The following CLDN14 variants were observed in gnomAD, a reference collection of about 807,000 sequenced individuals.
CLDN14 encodes claudin-14.
In CLDN14, 2 loss-of-function variants were observed where a neutral mutation model predicts 2.1. The observed-to-expected ratio is 0.96, with a 90% CI of 0.39 to 3.01. The LOEUF is 3.01. Among genes scored for constraint, CLDN14 ranks in the 30% most tolerant of loss-of-function variants. The pLI is 0.09. For missense variants in CLDN14, 298 were observed against 328.0 expected (o/e 0.91, Z 0.71); for synonymous variants, 136 against 154.4 (o/e 0.88, Z 0.88).
chr21:36,542,938 T>C (rs761427187), intron 1 of CLDN14: 7 of 152,574 alleles, frequency 4.6e-5, no homozygotes, highest in Non-Finnish European at 8.8e-5. Flanking sequence ...CTTGCAGCCT[T>C]GCTGGGAACA....
intron 2 of CLDN14, among the ~76,000 whole-genome samples, chr21:36,492,497 C>T (rs1018891282): frequency 1.4e-5 from 2 of 143,980 alleles, no homozygotes; most frequent in Non-Finnish European, 3.0e-5. Context: ...GGCATGGTGG[C>T]GAGCACCTGT....
rs570377050 is a variant in CLDN14 at position 36,498,153 on chromosome 21, A to T, written c.-82+12210T>A. ...GTAGCTGGGATTACAGGCACCCACC[A>T]CCATGCCCAGCTAATTTTTGTATTC... On this transcript the variant is annotated intron_variant, in intron 2 of 2. Transcript: ENST00000342108. This position sits in a 1 kb window ranked among gnomAD's most constrained non-coding sequence, Gnocchi z 4.9. Among the ~76,000 whole-genome samples the T allele has an allele frequency of 3.9e-3, 597 of 151,768 alleles. 2 individuals carry two copies. Among genetic ancestry groups the T allele is most frequent in the Non-Finnish European group, 5.1e-3 (349 of 67,964 alleles).
chr21:36,565,811 C>G (rs567878112), intron 1 of CLDN14, among the ~76,000 whole-genome samples: 1 of 152,296 alleles, frequency 6.6e-6, no homozygotes, highest in South Asian at 2.1e-4. Context: ...TCTCTCATCC[C>G]CCTTGCCACA....
intron 1 of CLDN14, among the ~76,000 whole-genome samples, chr21:36,555,397 G>T (rs2087591796): frequency 6.6e-6 from 1 of 152,240 alleles, no homozygotes; most frequent in African/African-American, 2.4e-5. Context: ...CCTGCACGGG[G>T]TGCGCTGTTA....
At chr21:36,475,804 C>T (rs1448459186) in intron 1 of CLDN14, among the ~76,000 whole-genome samples, 6 of 151,942 alleles carry the variant, frequency 3.9e-5, no homozygotes, top group Admixed American at 3.3e-4. Flanking sequence ...GGCTGGAGCA[C>T]AGTAGGATTA....
At chr21:36,543,968 CTG>C (rs1468558862) in intron 1 of CLDN14, among the ~76,000 whole-genome samples, 2 of 152,218 alleles carry the variant, frequency 1.3e-5, no homozygotes, top group Non-Finnish European at 2.9e-5. Flanking sequence ...AGCAAAGAAA[CTG>C]AGTCAGCTCA....
intron 1 of CLDN14, among the ~76,000 whole-genome samples, chr21:36,521,104 G>T (rs1320319118): frequency 6.6e-6 from 1 of 152,092 alleles, no homozygotes; most frequent in African/African-American, 2.4e-5. Flanking sequence ...CTTATTTTTT[G>T]GATAGGCATT....
intron 2 of CLDN14, among the ~76,000 whole-genome samples, chr21:36,491,325 C>T (rs1297736715): frequency 1.3e-5 from 2 of 152,160 alleles, no homozygotes; most frequent in African/African-American, 4.8e-5. Context: ...CAAGAACCTC[C>T]CTTCCCAGCT....
intron 2 of CLDN14, among the ~76,000 whole-genome samples, chr21:36,503,769 A>C (rs887910055): frequency 6.6e-6 from 1 of 152,164 alleles, no homozygotes; most frequent in Non-Finnish European, 1.5e-5. Context: ...AAATGTCTAC[A>C]TTATGCATTA....
chr21:36,567,268 T>C (rs941404191), intron 1 of CLDN14, among the ~76,000 whole-genome samples: 4 of 152,254 alleles, frequency 2.6e-5, no homozygotes, highest in Non-Finnish European at 5.9e-5. Flanking sequence ...TTCTTTTTCC[T>C]GTATTTGTTT....
intron 1 of CLDN14, among the ~76,000 whole-genome samples, chr21:36,473,692 G>A (rs1434040248): frequency 6.6e-6 from 1 of 152,204 alleles, no homozygotes; most frequent in East Asian, 1.9e-4. Flanking sequence ...TAAAATATGG[G>A]ATGGAGTCTC....
intron 1 of CLDN14, among the ~76,000 whole-genome samples, chr21:36,473,105 C>T (rs1028772532): frequency 2.6e-5 from 4 of 152,224 alleles, no homozygotes; most frequent in African/African-American, 9.6e-5. Flanking sequence ...CTCCAAACTG[C>T]TAGCCCACCC....
intron 1 of CLDN14, among the ~76,000 whole-genome samples, chr21:36,534,592 T>A (rs750361017): frequency 6.6e-6 from 1 of 152,104 alleles, no homozygotes; most frequent in Non-Finnish European, 1.5e-5. Context: ...TGGCTGACAA[T>A]CACCATGGCA....
At chr21:36,517,106 C>T (rs1465771648) in intron 1 of CLDN14, among the ~76,000 whole-genome samples, 1 of 152,196 alleles carries the variant, frequency 6.6e-6, no homozygotes, top group Non-Finnish European at 1.5e-5. Flanking sequence ...TCCCAAAGTT[C>T]TGGGATTACA....
intron 1 of CLDN14, among the ~76,000 whole-genome samples, chr21:36,561,247 G>A (rs1194425814): frequency 2.0e-5 from 3 of 152,192 alleles, no homozygotes; most frequent in Non-Finnish European, 4.4e-5. Context: ...CCATGCTCAG[G>A]GACAGGGAGA....
At chr21:36,474,612 C>T (rs979414871) in intron 1 of CLDN14, among the ~76,000 whole-genome samples, 4 of 152,122 alleles carry the variant, frequency 2.6e-5, no homozygotes, top group South Asian at 2.1e-4. Context: ...ATCCCCATCC[C>T]GCCACCCAGA....
chr21:36,523,525 C>T (rs1601622737), intron 1 of CLDN14, among the ~76,000 whole-genome samples: 1 of 151,726 alleles, frequency 6.6e-6, no homozygotes, highest in Admixed American at 6.6e-5. Context: ...GGTGGGTGGA[C>T]CACTTGAAGC....
chr21:36,476,846 C>A (rs560278268), intron 1 of CLDN14, among the ~76,000 whole-genome samples: 1 of 152,224 alleles, frequency 6.6e-6, no homozygotes, highest in Middle Eastern at 3.2e-3. Context: ...TCCAGAAAAG[C>A]CTGTGATAGT....
At chr21:36,569,072 T>C (rs886838551) in intron 1 of CLDN14, among the ~76,000 whole-genome samples, 2 of 152,242 alleles carry the variant, frequency 1.3e-5, no homozygotes, top group African/African-American at 4.8e-5. Context: ...CAGTGAATTA[T>C]TTTATTTCAA....
Sources: allele counts gnomAD v4.1 joint callset (sites outside exome capture counted in the v4.1 genomes callset), GRCh38; gene constraint gnomAD v4.1.1; non-coding constraint Gnocchi (gnomAD v3.1); transcripts MANE v1.5; gene names NCBI Gene and HGNC (gene_info 2026-07-23, HGNC 2026-07-21).